MED12L: variants seen among roughly 807,000 people sequenced by gnomAD.
The protein encoded by MED12L is mediator of RNA polymerase II transcription subunit 12-like protein.
A neutral mutation model predicts 281.3 loss-of-function variants in MED12L; 60 were observed. The observed-to-expected ratio is 0.21, with a 90% CI of 0.17 to 0.26. The LOEUF (loss-of-function observed/expected upper bound fraction) is 0.26. Among genes scored for constraint, MED12L ranks in the 10% least tolerant of loss-of-function variants. The pLI is 1.00. For missense variants in MED12L, 2,146 were observed against 2,680.9 expected (o/e 0.80, Z 4.41); for synonymous variants, 974 against 987.2 (o/e 0.99, Z 0.25).
chr3:151,160,252 T>G (rs1451982870), intron 8 of MED12L, 151 bp downstream of exon 8: 1 of 742,944 alleles, frequency 1.3e-6, no homozygotes, highest in Non-Finnish European at 2.1e-6. Context: ...TATGTTTTTA[T>G]TTCCCTGTGA....
intron 27 of MED12L, among the ~76,000 whole-genome samples, chr3:151,375,810 A>T (rs1238723966): frequency 6.6e-6 from 1 of 152,148 alleles, no homozygotes; most frequent in African/African-American, 2.4e-5. Flanking sequence ...CCATTAAAAA[A>T]TGTTTTTAAG....
chr3:151,134,924 A>C (rs999889326), intron 5 of MED12L, among the ~76,000 whole-genome samples: 1 of 141,738 alleles, frequency 7.1e-6, no homozygotes, highest in African/African-American at 2.9e-5. Context: ...CCTCTGGTGC[A>C]TGATGAAAAG....
intron 39 of MED12L, among the ~76,000 whole-genome samples, chr3:151,399,048 G>GA (rs11451641): frequency 0.29 from 44,222 of 151,614 alleles, 7,415 homozygotes; most frequent in Non-Finnish European, 0.38. Flanking sequence ...GGCGACTACT[G>GA]AAAAAAAAGA....
chr3:151,337,381 C>A, intron 16 of MED12L: 1 of 167,748 alleles, frequency 6.0e-6, no homozygotes, highest in Non-Finnish European at 1.3e-5. Context: ...GGTTAGGGGA[C>A]TAGGATATAT....
intron 39 of MED12L, among the ~76,000 whole-genome samples, chr3:151,397,100 C>T (rs950237148): frequency 1.3e-5 from 2 of 152,036 alleles, no homozygotes; most frequent in Admixed American, 6.5e-5. Flanking sequence ...GTGCTAACTC[C>T]ATTACAGTGT....
intron 16 of MED12L, among the ~76,000 whole-genome samples, chr3:151,224,673 C>T (rs550347704): frequency 1.3e-5 from 2 of 152,294 alleles, no homozygotes; most frequent in South Asian, 4.1e-4. Context: ...CCTCCTCCCA[C>T]CCCCTATCTT....
chr3:151,411,626 A>G, intron 41 of MED12L, 119 bp downstream of exon 41: 1 of 885,680 alleles, frequency 1.1e-6, no homozygotes, highest in South Asian at 1.7e-5. Context: ...TTTGCAGATA[A>G]TTTGCATTCT....
At chr3:151,383,092 G>C (rs969721171) in intron 33 of MED12L, among the ~76,000 whole-genome samples, 2 of 152,176 alleles carry the variant, frequency 1.3e-5, no homozygotes, top group African/African-American at 4.8e-5. Flanking sequence ...CATTTAAAAA[G>C]TCTTTTAACT....
intron 43 of MED12L, among the ~76,000 whole-genome samples, chr3:151,421,766 A>C (rs1381365789): frequency 6.6e-6 from 1 of 152,016 alleles, no homozygotes; most frequent in East Asian, 1.9e-4. Context: ...TAATAGTTCC[A>C]CTAAGATGCA....
At chr3:151,246,434 T>G (rs988027403) in intron 16 of MED12L, among the ~76,000 whole-genome samples, 2 of 151,794 alleles carry the variant, frequency 1.3e-5, no homozygotes, top group African/African-American at 4.8e-5. Context: ...TATAGATCAA[T>G]GGAACAGAAC....
intron 16 of MED12L, among the ~76,000 whole-genome samples, chr3:151,296,675 T>A (rs1203083566): frequency 6.6e-6 from 1 of 151,950 alleles, no homozygotes; most frequent in Non-Finnish European, 1.5e-5. Context: ...CCCCAGTAAA[T>A]CTCTTGGCCA....
chr3:151,156,223 C>T lies in MED12L; in HGVS notation c.619C>T (p.His207Tyr). 2 of 1,613,268 alleles carry T rather than the reference C, an allele frequency of 1.2e-6. No homozygotes were observed. Among genetic ancestry groups the T allele is most frequent in the Non-Finnish European group, 1.7e-6 (2 of 1,179,640 alleles). The change falls in exon 6 of 45, where the codon CAC becomes TAC. Residue 207 changes from histidine (H) to tyrosine (Y), a missense_variant. His to Tyr is a moderately conservative substitution (Grantham distance 83). Coordinates refer to ENST00000687756, the MANE Select transcript of MED12L (RefSeq NM_001393769.1). The stretch of plus-strand genomic sequence containing the variant: ...GTTGGCCAAGATTTCTGACTTTTAC[C>T]ACATGGCCTCCAGCACGGGCGATGG... ...EQLAKISDFY[H>Y]MASSTGDGPV...
At chr3:151,129,399 A>G (rs1715023341) in intron 5 of MED12L, among the ~76,000 whole-genome samples, 1 of 152,194 alleles carries the variant, frequency 6.6e-6, no homozygotes. Flanking sequence ...AAAAAATACT[A>G]GAAGGTAGTA....
At chr3:151,348,627 G>A (rs796284322) in intron 16 of MED12L, among the ~76,000 whole-genome samples, 2 of 150,470 alleles carry the variant, frequency 1.3e-5, no homozygotes, top group East Asian at 1.9e-4. Flanking sequence ...AGAATCATTT[G>A]GGGGTGGGGA....
intron 5 of MED12L, among the ~76,000 whole-genome samples, chr3:151,155,582 G>A (rs1041614659): frequency 5.3e-5 from 8 of 152,168 alleles, no homozygotes; most frequent in Admixed American, 2.0e-4. Context: ...GGGGCAGTGC[G>A]GGTTGGAATG....
In MED12L at chr3:151,432,893, CT is replaced by C. The variant is rs1553823948; in HGVS notation, c.*96del. On this transcript the variant is annotated 3_prime_UTR_variant, in exon 45 of 45. Coordinates refer to ENST00000687756, the MANE Select transcript of MED12L (RefSeq NM_001393769.1). ...TGCATTAGTCATCTTAAAAATGTCC[CT>C]TTTTTTCATTTCTTTGACATTTTAC... 2.2e-5 allele frequency: 21 copies of C among 946,650 alleles called. No individual in the cohort carries two copies. The highest frequency in any genetic ancestry group is 8.4e-5 in the East Asian group (3 of 35,782). The allele number at this position is 946,650 out of a possible 1,614,324, so 58.6% of individuals were successfully genotyped here. A position where few individuals can be genotyped will look rare whatever the true frequency, so the allele number is the denominator to read the frequency against.
In MED12L at chr3:151,326,876, A is replaced by G. The variant is rs1002614891; in HGVS notation, c.2251-23183A>G. 3.3e-5 allele frequency: 5 copies of G among 152,290 alleles called. No homozygotes were observed. In the South Asian group the frequency reaches 1.0e-3, roughly 32 times the overall value. 9.4% of individuals were successfully genotyped at this position (152,290 alleles called of 1,614,324 possible). A position where few individuals can be genotyped will look rare whatever the true frequency, so the allele number is the denominator to read the frequency against. Reference sequence around the variant, plus strand: ...GCCACATTTTACTTTTTTGAATCACAGAAGGATGCAAGAAAAAATACCAAG... The same window carrying G: ...GCCACATTTTACTTTTTTGAATCACGGAAGGATGCAAGAAAAAATACCAAG... On this transcript the variant is annotated intron_variant, in intron 16 of 44. Transcript: ENST00000687756.
At chr3:151,205,656 A>G (rs1179621905) in intron 16 of MED12L, among the ~76,000 whole-genome samples, 1 of 152,136 alleles carries the variant, frequency 6.6e-6, no homozygotes, top group Non-Finnish European at 1.5e-5. Flanking sequence ...CATGAGATAC[A>G]GGAGATTCTG....
chr3:151,255,634 C>T (rs1175632862), intron 16 of MED12L, among the ~76,000 whole-genome samples: 1 of 152,108 alleles, frequency 6.6e-6, no homozygotes, highest in Non-Finnish European at 1.5e-5. Context: ...TCAAAACTGG[C>T]CCCTGAGATG....
Sources: gnomAD v4.1 joint callset for allele counts (sites outside exome capture counted in the v4.1 genomes callset) on GRCh38, gnomAD v4.1.1 for gene constraint, MANE v1.5 for transcripts, NCBI Gene and HGNC (gene_info 2026-07-23, HGNC 2026-07-21) for gene names.